DNAJC2: variants seen among roughly 807,000 people sequenced by gnomAD.
The protein encoded by DNAJC2 is DnaJ heat shock protein family (Hsp40) member C2.
DNAJC2 carries 32 observed loss-of-function variants against 94.0 expected under a neutral mutation model. The ratio of observed to expected loss-of-function variants is 0.34; its 90% CI spans 0.26 to 0.46. DNAJC2 has a LOEUF of 0.46. Among genes scored for constraint, DNAJC2 ranks in the 20% least tolerant of loss-of-function variants. The pLI, the probability that DNAJC2 is intolerant of heterozygous loss-of-function variation, is 1.00. For missense variants in DNAJC2, 550 were observed against 719.5 expected, an observed-to-expected ratio of 0.76 and a Z score of 2.69; for synonymous variants, 210 against 229.7, an observed-to-expected ratio of 0.91 and a Z score of 0.77.
At chr7:103,325,639 C>T (rs1348505999) in intron 5 of DNAJC2, among the ~76,000 whole-genome samples, 1 of 152,162 alleles carries the variant, frequency 6.6e-6, no homozygotes, top group African/African-American at 2.4e-5. Context: ...ACTCAGGCAT[C>T]AGGAGTTCTT....
At chr7:103,329,805 T>C (rs539740428) in intron 3 of DNAJC2, among the ~76,000 whole-genome samples, 5 of 152,350 alleles carry the variant, frequency 3.3e-5, no homozygotes, top group African/African-American at 1.2e-4. Context: ...GTGTAATTTT[T>C]GCTTATTTGT....
At position 103,344,616 on chromosome 7, in the gene DNAJC2, G is replaced by A. The variant is rs767811968; in HGVS notation, c.7C>T (p.Leu3Phe). ...CGGCCGTCCGCGGCGCTTGGCAGAA[G>A]CAGCATGATGGCGCCGGGTCTAGCC... ML[L>F]LPSAADGRGT... The change falls in exon 1 of 17, where the codon CTT (leucine) becomes TTT (phenylalanine). Residue 3 changes from leucine (L) to phenylalanine (F), a missense_variant. By Grantham distance (22) the Leu-to-Phe change is conservative. Around this residue, in one of 2 missense-constraint regions of DNAJC2, gnomAD observed 279 missense variants for 416.9 expected, o/e 0.67. Coordinates refer to ENST00000379263, the MANE Select transcript of DNAJC2 (RefSeq NM_014377.3). 1.9e-6 allele frequency: 3 copies of A among 1,611,278 alleles called. No individual in the cohort carries two copies. The highest frequency in any genetic ancestry group is 2.5e-6 in the Non-Finnish European group (3 of 1,179,952).
Position 103,313,057 on chromosome 7 carries a change from G to GCTTCTGTT in DNAJC2, c.1673_1680dup (p.Leu561AsnfsTer9). ...TATGTTTTCAAAGCTTGTTCCAAAAGCTTCTGTTCTTCTGTTGTCCAAGGG... is the reference window on the plus strand; with the variant it reads ...TATGTTTTCAAAGCTTGTTCCAAAAGCTTCTGTTCTTCTGTTCTTCTGTTGTCCAAGGG... On this transcript the variant is annotated frameshift_variant, in exon 16 of 17. Coordinates refer to ENST00000379263, the MANE Select transcript of DNAJC2 (RefSeq NM_014377.3). LOFTEE classifies it high-confidence loss of function. The GCTTCTGTT allele has an allele frequency of 6.2e-7, 1 of 1,613,940 alleles. No individual in the cohort carries two copies. The highest frequency in any genetic ancestry group is 8.5e-7 in the Non-Finnish European group (1 of 1,179,914).
intron 5 of DNAJC2, among the ~76,000 whole-genome samples, chr7:103,325,101 C>G (rs1818630513): frequency 6.6e-6 from 1 of 152,182 alleles, no homozygotes. Context: ...TCTGTGAAAT[C>G]ATTACACAGA....
chr7:103,325,900 C>T (rs150732910), intron 5 of DNAJC2, among the ~76,000 whole-genome samples: 10 of 152,054 alleles, frequency 6.6e-5, no homozygotes, highest in South Asian at 6.2e-4. Context: ...AGTAGTATAC[C>T]GATTGATAAA....
chr7:103,344,272 T>C, intron 1 of DNAJC2: 1 of 508,780 alleles, frequency 2.0e-6, no homozygotes, highest in Non-Finnish European at 3.5e-6. Flanking sequence ...CTTTCTGGGG[T>C]GCTGGGGGGT....
At chr7:103,331,013 C>T (rs1394955373) in intron 3 of DNAJC2, among the ~76,000 whole-genome samples, 1 of 151,690 alleles carries the variant, frequency 6.6e-6, no homozygotes, top group African/African-American at 2.4e-5. Flanking sequence ...GGCTGGCATG[C>T]AATGGCACAA....
chr7:103,323,760 C>A lies in DNAJC2; in HGVS notation c.654-97G>T, dbSNP rs571669818. On this transcript the variant is annotated intron_variant, in intron 6 of 16. Coordinates refer to ENST00000379263, the MANE Select transcript of DNAJC2 (RefSeq NM_014377.3). ...TGAATTTGTTTTAATGGATACCTTT[C>A]CTTCCCTTCTAGTATTGAACTAAGG... 1.8e-5 allele frequency: 17 copies of A among 946,400 alleles called. No individual in the cohort carries two copies. In the East Asian group the frequency reaches 5.4e-4, roughly 30 times the overall value. 58.6% of individuals were successfully genotyped at this position (946,400 alleles called of 1,614,324 possible). A position where few individuals can be genotyped will look rare whatever the true frequency, so the allele number is the denominator to read the frequency against.
chr7:103,327,320 T>C, intron 4 of DNAJC2: 1 of 1,260,600 alleles, frequency 7.9e-7, no homozygotes, highest in Non-Finnish European at 1.0e-6. Flanking sequence ...CATCATTAAA[T>C]AGAACACTTA....
At chr7:103,323,698 G>C (rs1408334804) in intron 6 of DNAJC2, 35 bp from the exon 7 acceptor site, 1 of 1,317,372 alleles carries the variant, frequency 7.6e-7, no homozygotes. Flanking sequence ...GATCAAGACA[G>C]AATAAATGAA....
At chr7:103,321,428 G>C (rs1818404056) in intron 10 of DNAJC2, among the ~76,000 whole-genome samples, 1 of 152,038 alleles carries the variant, frequency 6.6e-6, no homozygotes, top group African/African-American at 2.4e-5. Context: ...TGAGGCAGGA[G>C]AGTTGCTTGA....
Position 103,344,588 on chromosome 7 carries a change from C to T in DNAJC2, c.35G>A (p.Gly12Asp). Residue 12 changes from glycine to aspartate, a missense_variant, in exon 1 of 17, where the codon GGC becomes GAC. Around this residue, in one of 2 missense-constraint regions of DNAJC2, gnomAD observed 279 missense variants for 416.9 expected, o/e 0.67. Coordinates refer to ENST00000379263, the MANE Select transcript of DNAJC2 (RefSeq NM_014377.3). ...GGTCAGAGCGTGGGTGATGGCGGTG[C>T]CCCGGCCGTCCGCGGCGCTTGGCAG... The part of the protein sequence containing the change: ...LLLPSAADGR[G>D]TAITHALTSA... 1 of 1,613,144 alleles carries T rather than the reference C, an allele frequency of 6.2e-7. No individual in the cohort carries two copies. Among genetic ancestry groups the T allele is most frequent in the Non-Finnish European group, 8.5e-7 (1 of 1,179,970 alleles).
At chr7:103,331,730 ACTTTT>A (rs1818981051) in intron 3 of DNAJC2, among the ~76,000 whole-genome samples, 1 of 152,154 alleles carries the variant, frequency 6.6e-6, no homozygotes, top group African/African-American at 2.4e-5. Flanking sequence ...GTATACATAT[ACTTTT>A]CTTTATCAAC....
At chr7:103,328,379 C>G (rs899022468) in intron 3 of DNAJC2, among the ~76,000 whole-genome samples, 1 of 151,746 alleles carries the variant, frequency 6.6e-6, no homozygotes, top group Non-Finnish European at 1.5e-5. Flanking sequence ...GCTTGTAATC[C>G]CAGCACTTTG....
intron 12 of DNAJC2, among the ~76,000 whole-genome samples, chr7:103,317,608 T>A (rs773075773): frequency 3.3e-5 from 5 of 152,112 alleles, no homozygotes; most frequent in African/African-American, 4.8e-5. Flanking sequence ...CCTTGAAAAA[T>A]TTTTTTGATT....
chr7:103,339,833 ACT>A (rs892255698), intron 2 of DNAJC2, among the ~76,000 whole-genome samples: 7 of 150,432 alleles, frequency 4.7e-5, no homozygotes, highest in Admixed American at 2.7e-4. Flanking sequence ...GACACAGGTG[ACT>A]CTTCCCACGC....
At position 103,344,649 on chromosome 7, in the gene DNAJC2, C is replaced by G; in HGVS notation, c.-27G>C. 6.2e-7 allele frequency: 1 copy of G among 1,603,618 alleles called. No individual in the cohort carries two copies. Among genetic ancestry groups the G allele is most frequent in the Non-Finnish European group, 8.5e-7 (1 of 1,179,142 alleles). Reference sequence around the variant, plus strand: ...ATGGCGCCGGGTCTAGCCCGGTGGGCGCAGCGGCTCACGTCCCGGGCGGAG... The same window carrying G: ...ATGGCGCCGGGTCTAGCCCGGTGGGGGCAGCGGCTCACGTCCCGGGCGGAG... On this transcript the variant is annotated 5_prime_UTR_variant, in exon 1 of 17. Transcript: ENST00000379263.
At position 103,322,816 on chromosome 7, in the gene DNAJC2, A is replaced by T. The variant is rs768146057; in HGVS notation, c.720-22T>A. 7 of 1,561,968 alleles carry T rather than the reference A, an allele frequency of 4.5e-6. No individual in the cohort carries two copies. The Admixed American group carries it at 1.0e-4, about 23-fold the overall frequency. On this transcript the variant is annotated intron_variant, in intron 7 of 16. Coordinates refer to ENST00000379263, the MANE Select transcript of DNAJC2 (RefSeq NM_014377.3). ...ACGACTATAAAATAGAAAATATTGGAAACAAACTACTGCTTATAGATGCTA... is the reference window on the plus strand; with the variant it reads ...ACGACTATAAAATAGAAAATATTGGTAACAAACTACTGCTTATAGATGCTA...
At chr7:103,322,849 A>C (rs1818495627) in intron 7 of DNAJC2, 55 bp from the exon 8 acceptor site, 1 of 1,307,088 alleles carries the variant, frequency 7.7e-7, no homozygotes, top group African/African-American at 1.5e-5. Context: ...CTATGACTGG[A>C]AAATGCAATA....
Sources: gnomAD v4.1 joint callset for allele counts (sites outside exome capture counted in the v4.1 genomes callset) on GRCh38, gnomAD v4.1.1 for gene constraint, gnomAD v4.1.1 regional missense constraint, MANE v1.5 for transcripts, NCBI Gene and HGNC (gene_info 2026-07-23, HGNC 2026-07-21) for gene names.